AGBL4: variants seen among roughly 807,000 people sequenced by gnomAD.
AGBL4 encodes the protein AGBL carboxypeptidase 4.
In AGBL4, 58 loss-of-function variants were observed where a neutral mutation model predicts 66.4. That is an observed-to-expected ratio of 0.87 (90% CI 0.71 to 1.09). AGBL4 has a LOEUF of 1.09. AGBL4 is among the 50% of genes least tolerant of loss of function. AGBL4 has a pLI of 0.00. For synonymous variants in AGBL4, 234 were observed against 222.9 expected (o/e 1.05, Z -0.44); for missense variants, 579 against 631.0 (o/e 0.92, Z 0.88).
At chr1:49,743,724 TA>T (rs2147816178) in intron 2 of AGBL4, among the ~76,000 whole-genome samples, 1 of 151,920 alleles carries the variant, frequency 6.6e-6, no homozygotes, top group East Asian at 1.9e-4. Context: ...TATGAAGCCA[TA>T]AAAAATTATG....
chr1:48,617,310 C>T (rs890850644), intron 9 of AGBL4, among the ~76,000 whole-genome samples: 9 of 152,158 alleles, frequency 5.9e-5, no homozygotes, highest in Non-Finnish European at 1.2e-4. Context: ...TATACCAAAG[C>T]AGACTGTCAG....
chr1:49,592,015 G>C (rs866159886), intron 3 of AGBL4, among the ~76,000 whole-genome samples: 3 of 152,056 alleles, frequency 2.0e-5, no homozygotes, highest in African/African-American at 7.2e-5. Context: ...TACCATTCTG[G>C]ACATAGGCCC....
rs1282913238 is a variant in AGBL4, at chr1:49,128,886, AAT to A, written c.378-83088_378-83087del. On this transcript the variant is annotated intron_variant, in intron 4 of 13. Transcript: ENST00000371839. ...ATAAAAATGGACTATATAAAAATTA[AAT>A]ATGTCTGATTTTTGAAAAAAATTCA... is the stretch of plus-strand genomic sequence containing the variant. Among the ~76,000 whole-genome samples the A allele has an allele frequency of 3.3e-5, 5 of 152,152 alleles. No individual in the cohort carries two copies. In the East Asian group the frequency reaches 7.7e-4, roughly 23 times the overall value.
chr1:49,324,818 G>A (rs1311310395), intron 3 of AGBL4, among the ~76,000 whole-genome samples: 2 of 152,114 alleles, frequency 1.3e-5, no homozygotes, highest in Non-Finnish European at 2.9e-5. Context: ...ATTTGCCTTA[G>A]TATCTATATA....
intron 8 of AGBL4, among the ~76,000 whole-genome samples, chr1:48,638,616 G>C (rs1479287736): frequency 6.6e-6 from 1 of 152,214 alleles, no homozygotes; most frequent in African/African-American, 2.4e-5. Flanking sequence ...CTGCACATGA[G>C]GGGTAGGTGC....
At chr1:48,927,378 A>C (rs559045526) in intron 5 of AGBL4, among the ~76,000 whole-genome samples, 194 of 152,254 alleles carry the variant, frequency 1.3e-3, no homozygotes, top group Non-Finnish European at 2.2e-3. Context: ...CATGAGACTT[A>C]TTCCCTATCA....
intron 5 of AGBL4, among the ~76,000 whole-genome samples, chr1:48,972,958 T>C (rs1571135517): frequency 1.3e-5 from 2 of 152,254 alleles, no homozygotes; most frequent in Middle Eastern, 6.8e-3. Context: ...ACCAGGCTCA[T>C]ATAGATCAAG....
At chr1:49,794,202 C>T (rs1644675464) in intron 2 of AGBL4, among the ~76,000 whole-genome samples, 1 of 151,720 alleles carries the variant, frequency 6.6e-6, no homozygotes, top group Non-Finnish European at 1.5e-5. Context: ...ATTCTCACCA[C>T]TAAAATAAAA....
intron 3 of AGBL4, among the ~76,000 whole-genome samples, chr1:49,328,465 C>G (rs1645267599): frequency 6.6e-6 from 1 of 152,178 alleles, no homozygotes. Flanking sequence ...CTGCACTGAG[C>G]TAACATGCCA....
chr1:49,527,920 T>A (rs886274637), intron 3 of AGBL4, among the ~76,000 whole-genome samples: 2 of 151,928 alleles, frequency 1.3e-5, no homozygotes, highest in African/African-American at 4.8e-5. Context: ...TCCAAAGGAG[T>A]GGATCTGCAG....
At chr1:49,198,461 C>G (rs569439447) in intron 4 of AGBL4, among the ~76,000 whole-genome samples, 9 of 152,234 alleles carry the variant, frequency 5.9e-5, no homozygotes, top group Non-Finnish European at 1.3e-4. Context: ...CTGCCTCAGC[C>G]TCCCGAGTAG....
At chr1:50,019,542 G>A (rs901204815) in intron 1 of AGBL4, among the ~76,000 whole-genome samples, 3 of 151,802 alleles carry the variant, frequency 2.0e-5, no homozygotes, top group Non-Finnish European at 2.9e-5. Context: ...TTTCTAAGGC[G>A]TTTTACAATT....
At chr1:49,329,415 C>T (rs1645287151) in intron 3 of AGBL4, among the ~76,000 whole-genome samples, 1 of 152,002 alleles carries the variant, frequency 6.6e-6, no homozygotes, top group African/African-American at 2.4e-5. Flanking sequence ...CCCGTAATCC[C>T]AGCACTTTGG....
intron 4 of AGBL4, among the ~76,000 whole-genome samples, chr1:49,235,544 T>C (rs904607009): frequency 1.3e-5 from 2 of 152,248 alleles, no homozygotes; most frequent in Non-Finnish European, 2.9e-5. Flanking sequence ...GTTGTGTACT[T>C]ACTTGAGTAA....
intron 1 of AGBL4, among the ~76,000 whole-genome samples, chr1:49,895,900 C>T (rs1649151562): frequency 6.8e-6 from 1 of 147,748 alleles, no homozygotes; most frequent in East Asian, 2.0e-4. Context: ...TGTAAATATA[C>T]TAAACTCCTC....
Position 49,992,494 on chromosome 1 carries a change from T to C in AGBL4, c.34+31269A>G, listed in dbSNP as rs539828829. On this transcript the variant is annotated intron_variant, in intron 1 of 13. Transcript: ENST00000371839. ...TTAGTTCCCTATGTATCTGGGATAA[T>C]GGCCACAAAACAGCCAGCCTATCCA... Among the ~76,000 whole-genome samples the C allele has an allele frequency of 7.2e-4, 109 of 151,954 alleles. 1 individual carries two copies. The highest frequency in any genetic ancestry group is 2.5e-3 in the African/African-American group (105 of 41,412).
At chr1:49,263,309 A>C (rs537268109) in intron 3 of AGBL4, among the ~76,000 whole-genome samples, 33 of 151,950 alleles carry the variant, frequency 2.2e-4, no homozygotes, top group Non-Finnish European at 4.3e-4. Context: ...GTATAATAAT[A>C]AAATTAAATA....
chr1:49,678,810 C>A (rs967025020), intron 3 of AGBL4, among the ~76,000 whole-genome samples: 1 of 151,918 alleles, frequency 6.6e-6, no homozygotes, highest in Non-Finnish European at 1.5e-5. Flanking sequence ...TCACTGTGAT[C>A]AAAAAACCCA....
chr1:49,013,787 G>A (rs1471037059), intron 5 of AGBL4, among the ~76,000 whole-genome samples: 2 of 152,122 alleles, frequency 1.3e-5, no homozygotes, highest in Non-Finnish European at 2.9e-5. Flanking sequence ...CCAGCTATGA[G>A]GCCCTAGATA....
Sources: allele counts gnomAD v4.1 joint callset (sites outside exome capture counted in the v4.1 genomes callset), GRCh38; gene constraint gnomAD v4.1.1; transcripts MANE v1.5; gene names NCBI Gene and HGNC (gene_info 2026-07-23, HGNC 2026-07-21).